Variants in SDR42E1 observed in about 807,000 individuals in gnomAD.
SDR42E1 encodes the protein short-chain dehydrogenase/reductase family 42E member 1.
Under a neutral mutation model 2.6 loss-of-function variants are expected in SDR42E1, and 5 were observed. The observed-to-expected ratio is 1.94, with a 90% CI of 1.01 to 4.08. The LOEUF is 4.08. SDR42E1 is among the 30% of genes most tolerant of loss of function. SDR42E1 has a pLI of 0.00. For missense variants in SDR42E1, 596 were observed against 478.6 expected (o/e 1.25, Z -2.29); for synonymous variants, 231 against 188.3 (o/e 1.23, Z -1.86).
In SDR42E1 at chr16:82,000,137, C is replaced by G. The variant is rs1912705633; in HGVS notation, c.156G>C (p.Lys52Asn). ...SPAQTIPEGIKFIQGDIRHLS... is the reference protein window; with the variant it reads ...SPAQTIPEGINFIQGDIRHLS... ...GGTGGCGGATGTCTCCTTGTATAAA[C>G]TTGATTCCTTCTGGAATGGTTTGAG... The change falls in exon 3 of 3, where the codon AAG (lysine) becomes AAC (asparagine). Residue 52 changes from lysine (K) to asparagine (N), a missense_variant. Physicochemically the swap from Lys to Asn is moderately conservative, Grantham distance 94 (BLOSUM62 0). Coordinates refer to ENST00000328945, the MANE Select transcript of SDR42E1 (RefSeq NM_145168.3). 6.2e-7 allele frequency: 1 copy of G among 1,614,202 alleles called. No individual in the cohort carries two copies. The highest frequency in any genetic ancestry group is 8.5e-7 in the Non-Finnish European group (1 of 1,180,028).
At chr16:82,004,790 G>A (rs1479972681) in intron 1 of SDR42E1, among the ~76,000 whole-genome samples, 4 of 152,216 alleles carry the variant, frequency 2.6e-5, no homozygotes, top group Non-Finnish European at 4.4e-5. Context: ...CAGGGTCCAG[G>A]TAAGGGAGAT....
chr16:82,001,989 CACAT>C lies in SDR42E1; in HGVS notation c.-26-1109_-26-1106del, dbSNP rs1191813271. On this transcript the variant is annotated intron_variant, in intron 1 of 2. Coordinates refer to ENST00000328945, the MANE Select transcript of SDR42E1 (RefSeq NM_145168.3). ...ACACACACACACACACACACACACACACATATACCTGTGCTCAAGTCAACAGAGA... is the reference window on the plus strand; with the variant it reads ...ACACACACACACACACACACACACACATACCTGTGCTCAAGTCAACAGAGA... 1.8e-3 allele frequency among the ~76,000 whole-genome samples: 270 copies of C among 150,858 alleles called. 2 individuals carry two copies. Among genetic ancestry groups the C allele is most frequent in the African/African-American group, 6.3e-3 (256 of 40,616 alleles).
In SDR42E1 at chr16:81,998,843, A is replaced by T; in HGVS notation, c.*268T>A. ...CTCCAACTCAACTAAGCCTACTTCT[A>T]TGGCTCCAAACTGACTTCTATTGTA... is the stretch of plus-strand genomic sequence containing the variant. On this transcript the variant is annotated 3_prime_UTR_variant, in exon 3 of 3. Transcript: ENST00000328945. The T allele has an allele frequency of 2.3e-6, 1 of 436,920 alleles. No individual in the cohort carries two copies. The highest frequency in any genetic ancestry group is 3.6e-5 in the South Asian group (1 of 27,476). The allele number at this position is 436,920 out of a possible 1,614,324, so 27.1% of individuals were successfully genotyped here.
chr16:82,000,077 G>T lies in SDR42E1; in HGVS notation c.216C>A (p.Asp72Glu). The T allele has an allele frequency of 6.2e-7, 1 of 1,614,202 alleles. No homozygotes were observed. Among genetic ancestry groups the T allele is most frequent in the Non-Finnish European group, 8.5e-7 (1 of 1,180,042 alleles). ...AGGCAATATGGAACACACAAGTGAC[G>T]TCTGCATCCTGGAAGGCTTTCTCTA... ...SDVEKAFQDA[D>E]VTCVFHIASY... is the part of the protein sequence containing the mutation. Residue 72 changes from aspartate (D) to glutamate (E), a missense_variant, in exon 3 of 3, where the codon GAC becomes GAA. Asp to Glu is a conservative substitution (Grantham distance 45, BLOSUM62 2). Coordinates refer to ENST00000328945, the MANE Select transcript of SDR42E1 (RefSeq NM_145168.3).
At chr16:82,001,538 G>T in intron 1 of SDR42E1, among the ~76,000 whole-genome samples, 1 of 151,748 alleles carries the variant, frequency 6.6e-6, no homozygotes, top group East Asian at 1.9e-4. Flanking sequence ...TTCTTTCAAG[G>T]CTCCAAGGCC....
At position 81,993,692 on chromosome 16, in the gene SDR42E1, C is replaced by T. The variant is rs536128612; in HGVS notation, c.*5419G>A. The T allele has an allele frequency of 7.9e-4, 120 of 152,262 alleles. No homozygotes were observed. Among genetic ancestry groups the T allele is most frequent in the African/African-American group, 2.8e-3 (117 of 41,548 alleles). The allele number at this position is 152,262 out of a possible 1,614,324, so 9.4% of individuals were successfully genotyped here. On this transcript the variant is annotated 3_prime_UTR_variant, in exon 3 of 3. Transcript: ENST00000328945. ...TAAGTGCATTCACCCCGTCAACAAG[C>T]ATTTATTGGGCATATGAAGGGTACA...
rs1435176547 is a variant in SDR42E1 at position 81,997,099 on chromosome 16, G to A, written c.*2012C>T. ...TCAGAGATTTGTGGGTGTGGCTTTTGTGAGTGAACTGCAATAAGACTCAGG... is the reference window on the plus strand; with the variant it reads ...TCAGAGATTTGTGGGTGTGGCTTTTATGAGTGAACTGCAATAAGACTCAGG... On this transcript the variant is annotated 3_prime_UTR_variant, in exon 3 of 3. Coordinates refer to ENST00000328945, the MANE Select transcript of SDR42E1 (RefSeq NM_145168.3). 6.6e-6 allele frequency: 1 copy of A among 152,236 alleles called. No homozygotes were observed. The highest frequency in any genetic ancestry group is 1.5e-5 in the Non-Finnish European group (1 of 68,086). 9.4% of individuals were successfully genotyped at this position (152,236 alleles called of 1,614,324 possible). A position where few individuals can be genotyped will look rare whatever the true frequency, so the allele number is the denominator to read the frequency against.
chr16:82,008,195 G>A (rs531492551), intron 1 of SDR42E1, among the ~76,000 whole-genome samples: 3 of 152,326 alleles, frequency 2.0e-5, no homozygotes, highest in East Asian at 3.8e-4. Flanking sequence ...CCCCAGCCAC[G>A]TGGAACTGTG....
At position 82,000,855 on chromosome 16, in the gene SDR42E1, C is replaced by T. The variant is rs117851671; in HGVS notation, c.4G>A (p.Asp2Asn). 3.1e-3 allele frequency: 4,940 copies of T among 1,612,954 alleles called. 16 individuals carry two copies. The highest frequency in any genetic ancestry group is 3.5e-3 in the Non-Finnish European group (4,120 of 1,179,598). ...CTTTCCTTTTGAGATCTTTTGGGGT[C>T]CATATGTGGCAGTCAAAAGATAACT... M[D>N]PKRSQKESVL... The change falls in exon 2 of 3, where the codon GAC becomes AAC. Residue 2 changes from aspartate to asparagine, a missense_variant. Coordinates refer to ENST00000328945, the MANE Select transcript of SDR42E1 (RefSeq NM_145168.3).
intron 1 of SDR42E1, among the ~76,000 whole-genome samples, chr16:82,001,973 C>A (rs1912781335): frequency 6.7e-6 from 1 of 150,366 alleles, no homozygotes; most frequent in Non-Finnish European, 1.5e-5. Flanking sequence ...CACACACACA[C>A]ACACACACAC....
rs1286274597 is a variant in SDR42E1, at chr16:81,994,094, G to T, written c.*5017C>A. Reference sequence around the variant, plus strand: ...ACACCAGGACATGCTGCGATTCCTGGAGAAAAATCGAACTTAAAGGACCTT... The same window carrying T: ...ACACCAGGACATGCTGCGATTCCTGTAGAAAAATCGAACTTAAAGGACCTT... On this transcript the variant is annotated 3_prime_UTR_variant, in exon 3 of 3. Transcript: ENST00000328945. 6.6e-6 allele frequency: 1 copy of T among 152,146 alleles called. No individual in the cohort carries two copies. The highest frequency in any genetic ancestry group is 1.5e-5 in the Non-Finnish European group (1 of 68,050). The allele number at this position is 152,146 out of a possible 1,614,324, so 9.4% of individuals were successfully genotyped here.
chr16:82,003,735 G>T (rs561330225), intron 1 of SDR42E1, among the ~76,000 whole-genome samples: 1 of 152,290 alleles, frequency 6.6e-6, no homozygotes, highest in African/African-American at 2.4e-5. Context: ...GGAACATTTT[G>T]CTATCTATCT....
At position 81,995,738 on chromosome 16, in the gene SDR42E1, G is replaced by A. The variant is rs959940055; in HGVS notation, c.*3373C>T. 6.6e-6 allele frequency: 1 copy of A among 152,174 alleles called. No individual in the cohort carries two copies. The highest frequency in any genetic ancestry group is 2.4e-5 in the African/African-American group (1 of 41,430). 9.4% of individuals were successfully genotyped at this position (152,174 alleles called of 1,614,324 possible). A position where few individuals can be genotyped will look rare whatever the true frequency, so the allele number is the denominator to read the frequency against. Reference sequence around the variant, plus strand: ...AGCATTCATTGGACAAATACTTATTGAACTCCTGCACTGTGCCGGGCATTA... The same window carrying A: ...AGCATTCATTGGACAAATACTTATTAAACTCCTGCACTGTGCCGGGCATTA... On this transcript the variant is annotated 3_prime_UTR_variant, in exon 3 of 3. Coordinates refer to ENST00000328945, the MANE Select transcript of SDR42E1 (RefSeq NM_145168.3).
chr16:82,005,902 C>T (rs1912918270), intron 1 of SDR42E1, among the ~76,000 whole-genome samples: 1 of 152,104 alleles, frequency 6.6e-6, no homozygotes, highest in Admixed American at 6.5e-5. Flanking sequence ...CTTGAGAATA[C>T]TAAGGTAAAG....
Position 81,999,556 on chromosome 16 carries a change from A to T in SDR42E1, c.737T>A (p.Ile246Asn). 2 of 1,614,174 alleles carry T rather than the reference A, an allele frequency of 1.2e-6. No individual in the cohort carries two copies. The highest frequency in any genetic ancestry group is 1.7e-6 in the Non-Finnish European group (2 of 1,180,028). Residue 246 changes from isoleucine (I) to asparagine (N), a missense_variant, in exon 3 of 3, where the codon ATT becomes AAT. Transcript: ENST00000328945. ...GATGAAGTAGGGCTGCCCAGAGGCA[A>T]TATGGCCCTTGTCAGCTCTCAGGGC... ...SEALRADKGHIASGQPYFISD... is the reference protein window; with the variant it reads ...SEALRADKGHNASGQPYFISD...
At chr16:82,003,919 C>G (rs546830822) in intron 1 of SDR42E1, among the ~76,000 whole-genome samples, 6 of 152,166 alleles carry the variant, frequency 3.9e-5, no homozygotes, top group African/African-American at 1.4e-4. Context: ...ATATCCAATT[C>G]AGTAAAATTG....
rs1912664712 is a variant in SDR42E1 at position 81,999,552 on chromosome 16, G to C, written c.741C>G (p.Ala247=). ...CTGAGATGAAGTAGGGCTGCCCAGA[G>C]GCAATATGGCCCTTGTCAGCTCTCA... The part of the protein sequence containing the change: ...EALRADKGHI[A]SGQPYFISDG... The change falls in exon 3 of 3, where the codon GCC becomes GCG. Residue 247 remains alanine, a synonymous_variant. Transcript: ENST00000328945. 6.2e-7 allele frequency: 1 copy of C among 1,614,134 alleles called. No individual in the cohort carries two copies. Among genetic ancestry groups the C allele is most frequent in the Non-Finnish European group, 8.5e-7 (1 of 1,180,030 alleles).
rs1325580575 is a variant in SDR42E1 at position 81,990,014 on chromosome 16, C to CA, written c.*9096dup. 149 of 152,238 alleles carry CA rather than the reference C, an allele frequency of 9.8e-4. 1 individual carries two copies. Among genetic ancestry groups the CA allele is most frequent in the African/African-American group, 2.9e-3 (122 of 41,442 alleles). 9.4% of individuals were successfully genotyped at this position (152,238 alleles called of 1,614,324 possible). A position where few individuals can be genotyped will look rare whatever the true frequency, so the allele number is the denominator to read the frequency against. Reference sequence around the variant, plus strand: ...ACTCCGTCTGAAACAGACAAACAAACAAAAAAAACATGGTAGGCTGGGCAC... The same window carrying CA: ...ACTCCGTCTGAAACAGACAAACAAACAAAAAAAAACATGGTAGGCTGGGCAC... On this transcript the variant is annotated 3_prime_UTR_variant, in exon 3 of 3. Coordinates refer to ENST00000328945, the MANE Select transcript of SDR42E1 (RefSeq NM_145168.3).
chr16:82,002,155 A>G (rs1438498353), intron 1 of SDR42E1, among the ~76,000 whole-genome samples: 1 of 152,084 alleles, frequency 6.6e-6, no homozygotes, highest in Non-Finnish European at 1.5e-5. Context: ...TGGAGACAGG[A>G]GGGAAGCGGG....
Sources: allele counts gnomAD v4.1 joint callset (sites outside exome capture counted in the v4.1 genomes callset), GRCh38; gene constraint gnomAD v4.1.1; transcripts MANE v1.5; gene names NCBI Gene and HGNC (gene_info 2026-07-23, HGNC 2026-07-21).